The following MYOM2 variants were observed in gnomAD, a reference collection of about 807,000 sequenced individuals.
MYOM2 encodes the protein myomesin 2.
Under a neutral mutation model 187.6 loss-of-function variants are expected in MYOM2, and 254 were observed. That is an observed-to-expected ratio of 1.35 (90% confidence interval 1.22 to 1.50). The LOEUF (loss-of-function observed/expected upper bound fraction) is 1.50, where lower values mean the gene tolerates loss of function less well. MYOM2 is among the 40% of genes most tolerant of loss of function. The pLI is 0.00. For synonymous variants in MYOM2, 981 were observed against 753.8 expected (o/e 1.30, Z -4.94); for missense variants, 2,796 against 1,924.0 (o/e 1.45, Z -8.48).
chr8:2,120,027 G>A (rs1048434727), intron 28 of MYOM2, among the ~76,000 whole-genome samples: 9 of 152,184 alleles, frequency 5.9e-5, no homozygotes, highest in African/African-American at 2.2e-4. Flanking sequence ...GGAGTGGGCT[G>A]TGATTGCCAC....
chr8:2,123,346 G>C lies in MYOM2; in HGVS notation c.3548G>C (p.Cys1183Ser), dbSNP rs1021378223. Residue 1183 changes from cysteine to serine, a missense_variant, in exon 29 of 37, where the codon TGT (cysteine) becomes TCT (serine). Coordinates refer to ENST00000262113, the MANE Select transcript of MYOM2 (RefSeq NM_003970.4). The part of the protein sequence containing the change: ...ETLPNLERGI[C>S]ELLIPKLSKK... ...CTGCCTAACCTGGAGAGGGGAATCT[G>C]TGAGCTCCTCATCCCAAAGGTATCA... 2 of 1,612,600 alleles carry C rather than the reference G, an allele frequency of 1.2e-6. No individual in the cohort carries two copies. Among genetic ancestry groups the C allele is most frequent in the Admixed American group, 1.7e-5 (1 of 59,876 alleles).
Position 2,144,884 on chromosome 8 carries a change from G to GC in MYOM2, c.4302dup (p.Val1435ArgfsTer37). 6.2e-7 allele frequency: 1 copy of GC among 1,614,148 alleles called. No individual in the cohort carries two copies. The highest frequency in any genetic ancestry group is 8.5e-7 in the Non-Finnish European group (1 of 1,180,042). On this transcript the variant is annotated frameshift_variant, in exon 37 of 37. Coordinates refer to ENST00000262113, the MANE Select transcript of MYOM2 (RefSeq NM_003970.4). LOFTEE classifies it low-confidence loss of function (END_TRUNC). ...GGGGAGAAGATCGACGTGACAGTGA[G>GC]CGTGTACAAACACGGGGAGAAGATC...
At chr8:2,100,537 TCC>T in intron 19 of MYOM2, 1 of 272,370 alleles carries the variant, frequency 3.7e-6, no homozygotes, top group Non-Finnish European at 7.1e-6. Context: ...CTGCCAGGTG[TCC>T]AGCCCCGTGG....
intron 28 of MYOM2, 126 bp downstream of exon 28, chr8:2,118,078 C>A: frequency 1.3e-6 from 1 of 749,222 alleles, no homozygotes; most frequent in Non-Finnish European, 2.2e-6. Flanking sequence ...GCCTGTGTAG[C>A]TGCGGATGGG....
At position 2,078,841 on chromosome 8, in the gene MYOM2, T is replaced by G; in HGVS notation, c.1370T>G (p.Val457Gly). 6.2e-7 allele frequency: 1 copy of G among 1,614,098 alleles called. No individual in the cohort carries two copies. The highest frequency in any genetic ancestry group is 8.5e-7 in the Non-Finnish European group (1 of 1,179,990). ...GAAGGAAGGTCTTACATATTCCGAG[T>G]GAGGGCAGTGAACAGTGCGGGCATC... is the stretch of plus-strand genomic sequence containing the variant. ...LFEGRSYIFR[V>G]RAVNSAGISR... The change falls in exon 12 of 37, where the codon GTG becomes GGG. Residue 457 changes from valine (V) to glycine (G), a missense_variant. Transcript: ENST00000262113.
Position 2,093,990 on chromosome 8 carries a change from C to T in MYOM2, c.2024C>T (p.Thr675Ile), listed in dbSNP as rs748862655. ...CTCAGGTTCGTGGTGCACGGCTTAACCACGGGAGAGCAGTACATCTTCCGA... is the reference window on the plus strand; with the variant it reads ...CTCAGGTTCGTGGTGCACGGCTTAATCACGGGAGAGCAGTACATCTTCCGA... ...GYNRFVVHGL[T>I]TGEQYIFRVK... The change falls in exon 17 of 37, where the codon ACC (threonine) becomes ATC (isoleucine). Residue 675 changes from threonine to isoleucine, a missense_variant. Physicochemically the swap from Thr to Ile is moderately conservative, Grantham distance 89. Coordinates refer to ENST00000262113, the MANE Select transcript of MYOM2 (RefSeq NM_003970.4). The T allele has an allele frequency of 1.9e-6, 3 of 1,614,132 alleles. No homozygotes were observed. The highest frequency in any genetic ancestry group is 2.2e-5 in the South Asian group (2 of 91,082).
intron 15 of MYOM2, among the ~76,000 whole-genome samples, chr8:2,091,478 G>A (rs572610566): frequency 3.3e-5 from 5 of 152,288 alleles, no homozygotes; most frequent in South Asian, 2.1e-4. Context: ...GCATGTAAGC[G>A]GAGGCACCCT....
In MYOM2 at chr8:2,055,652, C is replaced by T. The variant is rs142815290; in HGVS notation, c.264-1696C>T. On this transcript the variant is annotated intron_variant, in intron 3 of 36. Coordinates refer to ENST00000262113, the MANE Select transcript of MYOM2 (RefSeq NM_003970.4). ...CTGCAGACTTCTGCAATTCTGATTG[C>T]GAACTTCCCAAATGCCTAACACCAG... Among the ~76,000 whole-genome samples, 481 of 152,306 alleles carry T rather than the reference C, an allele frequency of 3.2e-3. 3 individuals carry two copies. The highest frequency in any genetic ancestry group is 0.011 in the African/African-American group (462 of 41,558).
intron 27 of MYOM2, among the ~76,000 whole-genome samples, 200 bp downstream of exon 27, chr8:2,116,475 C>G (rs1413635300): frequency 6.6e-6 from 1 of 152,146 alleles, no homozygotes; most frequent in Admixed American, 6.5e-5. Context: ...GTGCCTCTAG[C>G]TTTAATGTCC....
At chr8:2,124,099 T>A in intron 30 of MYOM2, 80 bp from the exon 31 acceptor site, 2 of 1,354,618 alleles carry the variant, frequency 1.5e-6, no homozygotes, top group East Asian at 2.4e-5. Context: ...ATTTCCTGCA[T>A]CGATTTAATT....
Position 2,129,194 on chromosome 8 carries a change from G to A in MYOM2, c.3762G>A (p.Lys1254=). ...PEGIRLQCFM[K]YFTDEMKVNW... is the part of the protein sequence containing the mutation. ...GAATACGACTTCAGTGTTTCATGAA[G>A]TATTTTACAGACGAAATGAAAGTGA... Residue 1254 remains lysine, a synonymous_variant, in exon 32 of 37, where the codon AAG becomes AAA. Coordinates refer to ENST00000262113, the MANE Select transcript of MYOM2 (RefSeq NM_003970.4). 2 of 1,611,694 alleles carry A rather than the reference G, an allele frequency of 1.2e-6. No individual in the cohort carries two copies. Among genetic ancestry groups the A allele is most frequent in the Non-Finnish European group, 1.7e-6 (2 of 1,177,850 alleles).
rs1797536522 is a variant in MYOM2, at chr8:2,123,655, C to T, written c.3655+13C>T. 6.2e-7 allele frequency: 1 copy of T among 1,608,866 alleles called. No homozygotes were observed. Among genetic ancestry groups the T allele is most frequent in the Middle Eastern group, 1.7e-4 (1 of 6,046 alleles). ...ATAGCTGGCAAAGGTAAAAGAAAAC[C>T]TCCTTTGTTCTGTGAACAAGAAATT... On this transcript the variant is annotated intron_variant, in intron 30 of 36. Transcript: ENST00000262113.
intron 6 of MYOM2, among the ~76,000 whole-genome samples, chr8:2,064,183 C>CGGCCT (rs1396927804): frequency 6.6e-6 from 1 of 152,230 alleles, no homozygotes; most frequent in African/African-American, 2.4e-5. Flanking sequence ...CCCTGCTTCC[C>CGGCCT]GGCCTCGGGG....
chr8:2,137,337 C>A (rs79300908), intron 32 of MYOM2, among the ~76,000 whole-genome samples: 3 of 151,570 alleles, frequency 2.0e-5, no homozygotes, highest in Non-Finnish European at 4.4e-5. Flanking sequence ...CAGAGCATTT[C>A]GTGCAGGATG....
intron 11 of MYOM2, among the ~76,000 whole-genome samples, chr8:2,078,365 G>T (rs1416905173): frequency 2.0e-5 from 3 of 152,182 alleles, no homozygotes; most frequent in African/African-American, 7.2e-5. Context: ...GCAGCTTAGG[G>T]GTGCCGTGAC....
rs1819838499 is a variant in MYOM2, at chr8:2,085,625, CAGTCGTGATCTCTTT to C, written c.1644+236_1644+250del. Among the ~76,000 whole-genome samples, 27 of 10,026 alleles carry C rather than the reference CAGTCGTGATCTCTTT, an allele frequency of 2.7e-3. 8 individuals are homozygous for C. Among genetic ancestry groups the C allele is most frequent in the Non-Finnish European group, 3.7e-3 (24 of 6,566 alleles). The allele number at this position is 10,026 out of a possible 152,430, so 6.6% of individuals were successfully genotyped here. On this transcript the variant is annotated intron_variant, in intron 14 of 36. Transcript: ENST00000262113. ...GTCGTGATCTCTGCGTGGCCCCCCA[CAGTCGTGATCTCTTT>C]GTGGCCCCCCACTGTCGTGATCTCT...
intron 5 of MYOM2, 55 bp downstream of exon 5, chr8:2,057,835 A>T (rs1585827352): frequency 1.3e-6 from 2 of 1,581,730 alleles, no homozygotes; most frequent in Admixed American, 1.7e-5. Context: ...TTTCTTTCAG[A>T]AAGACCCCAG....
chr8:2,069,402 G>A (rs760857752), intron 7 of MYOM2, 36 bp downstream of exon 7: 24 of 1,613,728 alleles, frequency 1.5e-5, no homozygotes, highest in Non-Finnish European at 1.9e-5. Context: ...GGCACCTCCC[G>A]CCTCCTTTTC....
At chr8:2,103,776 A>T (rs895245196) in intron 21 of MYOM2, among the ~76,000 whole-genome samples, 6 of 149,984 alleles carry the variant, frequency 4.0e-5, no homozygotes, top group African/African-American at 1.5e-4. Context: ...TGCATGTGTT[A>T]TGTGTTTATG....
Sources: gnomAD v4.1 joint callset for allele counts (sites outside exome capture counted in the v4.1 genomes callset) on GRCh38, gnomAD v4.1.1 for gene constraint, MANE v1.5 for transcripts, NCBI Gene and HGNC (gene_info 2026-07-23, HGNC 2026-07-21) for gene names.